Variants in TWIST2 observed in about 807,000 individuals in gnomAD.
TWIST2 encodes twist-related protein 2.
In TWIST2, 1 loss-of-function variant was observed where a neutral mutation model predicts 11.6. The observed-to-expected ratio is 0.09, with a 90% CI of 0.03 to 0.41. The LOEUF (loss-of-function observed/expected upper bound fraction) is 0.41, where lower values mean the gene tolerates loss of function less well. TWIST2 is among the 10% of genes least tolerant of loss of function. The probability of loss-of-function intolerance (pLI) is 0.98; values close to 1 mark genes in which losing one functional copy is unlikely to be tolerated. For synonymous variants in TWIST2, 87 were observed against 96.6 expected (o/e 0.90, Z 0.58); for missense variants, 168 against 226.4 (o/e 0.74, Z 1.66).
rs1257358423 is a variant in TWIST2 at position 238,866,753 on chromosome 2, C to T, written c.*35+18020C>T. The stretch of plus-strand genomic sequence containing the variant: ...CCCTTGTGCCCGACAGGACTACCTC[C>T]AGTGTCCCCTCCTTGGGGAGCCTCT... On this transcript the variant is annotated intron_variant, in intron 1 of 1. Transcript: ENST00000612363. This position sits in a 1 kb window ranked among gnomAD's most constrained non-coding sequence, Gnocchi z 4.9. 6.6e-6 allele frequency among the ~76,000 whole-genome samples: 1 copy of T among 152,180 alleles called. No homozygotes were observed. The highest frequency in any genetic ancestry group is 1.5e-5 in the Non-Finnish European group (1 of 68,040).
chr2:238,857,286 G>A (rs1261790279), intron 1 of TWIST2, among the ~76,000 whole-genome samples: 1 of 152,160 alleles, frequency 6.6e-6, no homozygotes, highest in East Asian at 1.9e-4. Flanking sequence ...ACGGGCCTTG[G>A]AGCCCATCTT....
intron 1 of TWIST2, among the ~76,000 whole-genome samples, chr2:238,876,378 T>A (rs942440416): frequency 6.6e-6 from 1 of 152,220 alleles, no homozygotes; most frequent in African/African-American, 2.4e-5. Flanking sequence ...CTCCAAGTGC[T>A]CCCTGTCTGG....
intron 1 of TWIST2, among the ~76,000 whole-genome samples, chr2:238,901,866 T>C (rs2106373294): frequency 6.6e-6 from 1 of 152,200 alleles, no homozygotes; most frequent in African/African-American, 2.4e-5. Flanking sequence ...CCCTGGCACG[T>C]TCCCTAGCCC....
intron 1 of TWIST2, among the ~76,000 whole-genome samples, chr2:238,872,194 A>G (rs746831166): frequency 5.9e-5 from 9 of 152,186 alleles, no homozygotes; most frequent in Non-Finnish European, 1.2e-4. Context: ...TCCCTGGCCA[A>G]GAGTCCCGGG....
chr2:238,887,790 T>G (rs1350191170), intron 1 of TWIST2, among the ~76,000 whole-genome samples: 1 of 152,254 alleles, frequency 6.6e-6, no homozygotes, highest in African/African-American at 2.4e-5. Context: ...CTGAGTCCCT[T>G]CGTGACTGCG....
chr2:238,862,513 TA>T (rs1433073955), intron 1 of TWIST2, among the ~76,000 whole-genome samples: 4 of 152,230 alleles, frequency 2.6e-5, no homozygotes, highest in African/African-American at 9.6e-5. Flanking sequence ...AGAAGGATAT[TA>T]TTTTTTATTA....
chr2:238,852,806 A>G (rs556502822), intron 1 of TWIST2, among the ~76,000 whole-genome samples: 37 of 152,368 alleles, frequency 2.4e-4, no homozygotes, highest in African/African-American at 8.7e-4. Context: ...AAGGGAGTGA[A>G]GATATGAGAA....
In TWIST2 at chr2:238,867,957, G is replaced by A. The variant is rs562415438; in HGVS notation, c.*35+19224G>A. Among the ~76,000 whole-genome samples the A allele has an allele frequency of 1.3e-5, 2 of 152,336 alleles. No homozygotes were observed. The highest frequency in any genetic ancestry group is 3.9e-4 in the East Asian group (2 of 5,178). ...ACTGTGGTCAGCGGAAGGCATGAGAGGGGCCACCCTCCTGCATGTAGTGAG... is the reference window on the plus strand; with the variant it reads ...ACTGTGGTCAGCGGAAGGCATGAGAAGGGCCACCCTCCTGCATGTAGTGAG... On this transcript the variant is annotated intron_variant, in intron 1 of 1. Transcript: ENST00000612363. This position sits in a 1 kb window ranked among gnomAD's most constrained non-coding sequence, Gnocchi z 4.8.
chr2:238,868,151 G>A (rs556922669), intron 1 of TWIST2, among the ~76,000 whole-genome samples: 1 of 152,286 alleles, frequency 6.6e-6, no homozygotes, highest in South Asian at 2.1e-4. Flanking sequence ...CGTGCCCTGG[G>A]TTCCCTCTGG....
rs904390165 is a variant in TWIST2, at chr2:238,905,991, G to A, written c.*36-3851G>A. Among the ~76,000 whole-genome samples the A allele has an allele frequency of 8.2e-5, 12 of 145,462 alleles. No individual in the cohort carries two copies. The East Asian group carries it at 1.2e-3, about 14-fold the overall frequency. Reference sequence around the variant, plus strand: ...TGTGTGTGCGCGCGCGTGTACGTGCGCGTGTGTGCGTGTGCGTGTGTGGTT... The same window carrying A: ...TGTGTGTGCGCGCGCGTGTACGTGCACGTGTGTGCGTGTGCGTGTGTGGTT... On this transcript the variant is annotated intron_variant, in intron 1 of 1. Coordinates refer to ENST00000612363, the MANE Select transcript of TWIST2 (RefSeq NM_001271893.4).
intron 1 of TWIST2, among the ~76,000 whole-genome samples, chr2:238,860,664 G>A (rs978783310): frequency 3.3e-5 from 5 of 152,202 alleles, no homozygotes; most frequent in South Asian, 2.1e-4. Flanking sequence ...CGGGCCAGGC[G>A]CAGTGGCTCA....
rs191916768 is a variant in TWIST2 at position 238,860,766 on chromosome 2, C to T, written c.*35+12033C>T. ...CAGCCTGGCCAACATGGCGAAACCC[C>T]GGTTCTACCAAAAATACAAAAATTA... On this transcript the variant is annotated intron_variant, in intron 1 of 1. Coordinates refer to ENST00000612363, the MANE Select transcript of TWIST2 (RefSeq NM_001271893.4). Among the ~76,000 whole-genome samples the T allele has an allele frequency of 1.9e-3, 284 of 152,282 alleles. 4 individuals are homozygous for T. The highest frequency in any genetic ancestry group is 6.3e-3 in the African/African-American group (260 of 41,558).
rs1692629610 is a variant in TWIST2 at position 238,870,183 on chromosome 2, CA to C, written c.*35+21451del. On this transcript the variant is annotated intron_variant, in intron 1 of 1. Coordinates refer to ENST00000612363, the MANE Select transcript of TWIST2 (RefSeq NM_001271893.4). ...CCACACACACCACACACCCCACACA[CA>C]CATCACATACCACACACAAACCACA... Among the ~76,000 whole-genome samples, 3 of 66,114 alleles carry C rather than the reference CA, an allele frequency of 4.5e-5. 1 individual carries two copies. The highest frequency in any genetic ancestry group is 1.1e-3 in the South Asian group (2 of 1,818). 43.4% of individuals were successfully genotyped at this position (66,114 alleles called of 152,430 possible).
intron 1 of TWIST2, among the ~76,000 whole-genome samples, chr2:238,878,775 TGGAGA>T (rs199844779): frequency 0.41 from 62,902 of 151,666 alleles, 13,403 homozygotes; most frequent in East Asian, 0.52. Context: ...ACAAATTGAG[TGGAGA>T]GGAGAGGAGG....
At chr2:238,883,584 GAGA>G (rs1692977834) in intron 1 of TWIST2, among the ~76,000 whole-genome samples, 1 of 152,200 alleles carries the variant, frequency 6.6e-6, no homozygotes, top group Admixed American at 6.5e-5. Flanking sequence ...CCAATAGAAG[GAGA>G]AGGATGGGGA....
At position 238,868,234 on chromosome 2, in the gene TWIST2, G is replaced by A. The variant is rs539959773; in HGVS notation, c.*35+19501G>A. Among the ~76,000 whole-genome samples the A allele has an allele frequency of 1.6e-4, 24 of 152,258 alleles. 1 individual carries two copies. In the East Asian group the frequency reaches 3.7e-3, roughly 23 times the overall value. ...CTCTGCTGAGAAGCCCTTAGACATC[G>A]TCTAGTACAGCCCCTGGGCCCTCTC... is the stretch of plus-strand genomic sequence containing the variant. On this transcript the variant is annotated intron_variant, in intron 1 of 1. Coordinates refer to ENST00000612363, the MANE Select transcript of TWIST2 (RefSeq NM_001271893.4).
chr2:238,870,529 A>G (rs1261484892), intron 1 of TWIST2, among the ~76,000 whole-genome samples: 1 of 129,976 alleles, frequency 7.7e-6, no homozygotes, highest in Non-Finnish European at 1.6e-5. Flanking sequence ...CACAAACCAC[A>G]CACCCTACAT....
chr2:238,854,183 C>T (rs146224286), intron 1 of TWIST2, among the ~76,000 whole-genome samples: 42 of 152,234 alleles, frequency 2.8e-4, no homozygotes, highest in African/African-American at 8.9e-4. Flanking sequence ...GAAGAGCTTT[C>T]GGTTATCACA....
At chr2:238,902,707 GGTGT>G (rs1320389106) in intron 1 of TWIST2, among the ~76,000 whole-genome samples, 1 of 138,304 alleles carries the variant, frequency 7.2e-6, no homozygotes, top group African/African-American at 2.8e-5. Flanking sequence ...TGATGTGTGA[GGTGT>G]GTGTGATGTG....
Sources: allele counts gnomAD v4.1 joint callset (sites outside exome capture counted in the v4.1 genomes callset), GRCh38; gene constraint gnomAD v4.1.1; non-coding constraint Gnocchi (gnomAD v3.1); transcripts MANE v1.5; gene names NCBI Gene and HGNC (gene_info 2026-07-23, HGNC 2026-07-21).